ANXA8: variants seen among roughly 807,000 people sequenced by gnomAD.
ANXA8 encodes the protein annexin A8.
Under a neutral mutation model 26.8 loss-of-function variants are expected in ANXA8, and 9 were observed. The observed-to-expected ratio is 0.34, with a 90% CI of 0.20 to 0.59. ANXA8 has a LOEUF of 0.59. ANXA8 is among the 20% of genes least tolerant of loss of function. The pLI, the probability that ANXA8 is intolerant of heterozygous loss-of-function variation, is 0.84. For synonymous variants in ANXA8, 39 were observed against 94.8 expected, an observed-to-expected ratio of 0.41 and a Z score of 3.42; for missense variants, 83 against 238.5, an observed-to-expected ratio of 0.35 and a Z score of 4.29.
At chr10:47,682,692 G>A in the ANXA8 span, among the ~76,000 whole-genome samples, 1 of 151,768 alleles carries the variant, frequency 6.6e-6, no homozygotes, top group South Asian at 2.1e-4. Context: ...GGATGGTCTT[G>A]AACTCCTGAC....
chr10:47,610,700 TATAAATAA>T, the ANXA8 span, among the ~76,000 whole-genome samples: 1 of 150,304 alleles, frequency 6.7e-6, no homozygotes, highest in Non-Finnish European at 1.5e-5. Flanking sequence ...CTGCAACAGC[TATAAATAA>T]ATAAATAAAT....
chr10:47,988,906 T>C, the ANXA8 span, among the ~76,000 whole-genome samples: 1 of 151,958 alleles, frequency 6.6e-6, no homozygotes, highest in Non-Finnish European at 1.5e-5. Context: ...ACAAATAAAG[T>C]TGTGCTCATC....
At chr10:47,744,128 G>A in the ANXA8 span, among the ~76,000 whole-genome samples, 3 of 148,434 alleles carry the variant, frequency 2.0e-5, no homozygotes, top group Admixed American at 1.4e-4. Context: ...GGAAGGACTC[G>A]TTGAATGCAC....
chr10:47,501,188 C>T, the ANXA8 span, among the ~76,000 whole-genome samples: 1 of 140,200 alleles, frequency 7.1e-6, no homozygotes, highest in Admixed American at 7.3e-5. Flanking sequence ...AGGTGTGAGC[C>T]ACCACGCCTG....
the ANXA8 span, among the ~76,000 whole-genome samples, chr10:47,989,333 G>A: frequency 3.5e-5 from 4 of 114,674 alleles, no homozygotes; most frequent in Admixed American, 8.8e-5. Context: ...CCCAGCACTC[G>A]GGGGCTGTGG....
the ANXA8 span, among the ~76,000 whole-genome samples, chr10:47,776,339 G>A: frequency 1.3e-5 from 2 of 150,260 alleles, no homozygotes; most frequent in Admixed American, 6.6e-5. Context: ...GACACTTTTG[G>A]TAGCAAAGGA....
At chr10:47,522,398 G>T in the ANXA8 span, among the ~76,000 whole-genome samples, 10 of 149,842 alleles carry the variant, frequency 6.7e-5, no homozygotes, top group Admixed American at 6.6e-4. Flanking sequence ...AAACTCCTTT[G>T]AGAAACCCCA....
chr10:47,690,845 G>A, the ANXA8 span: 1 of 1,611,560 alleles, frequency 6.2e-7, no homozygotes, highest in Non-Finnish European at 8.5e-7. Flanking sequence ...AAAAGAAGCT[G>A]TACCTCTGAA....
the ANXA8 span, among the ~76,000 whole-genome samples, chr10:47,742,824 T>A: frequency 7.4e-6 from 1 of 134,316 alleles, no homozygotes; most frequent in African/African-American, 2.7e-5. Flanking sequence ...TGACCCAGTA[T>A]TTTAAAGATG....
chr10:47,975,882 T>C, the ANXA8 span, among the ~76,000 whole-genome samples: 16 of 137,698 alleles, frequency 1.2e-4, no homozygotes, highest in East Asian at 3.2e-3. Context: ...GAGGACATTC[T>C]GTCCCCTGGT....
the ANXA8 span, among the ~76,000 whole-genome samples, chr10:47,733,283 CTTTCTTTCTTTCT>C: frequency 2.5e-5 from 2 of 80,524 alleles, no homozygotes; most frequent in Admixed American, 1.3e-4. Flanking sequence ...TTCTTTCTTT[CTTTCTTTCTTTCT>C]TTTTTTTCTT....
chr10:47,949,653 G>C, the ANXA8 span, among the ~76,000 whole-genome samples: 4 of 150,610 alleles, frequency 2.7e-5, no homozygotes, highest in Admixed American at 2.6e-4. Flanking sequence ...GTATATGGTT[G>C]TAAGGTCTTA....
the ANXA8 span, among the ~76,000 whole-genome samples, chr10:47,702,477 A>G: frequency 6.6e-6 from 1 of 150,806 alleles, no homozygotes; most frequent in African/African-American, 2.4e-5. Context: ...AGTAGCTGGG[A>G]CTACAGGTAC....
chr10:47,777,373 G>A, the ANXA8 span, among the ~76,000 whole-genome samples: 1 of 151,958 alleles, frequency 6.6e-6, no homozygotes, highest in South Asian at 2.1e-4. Context: ...GGCTGGTCTC[G>A]AACTCCCGGG....
the ANXA8 span, among the ~76,000 whole-genome samples, chr10:47,633,746 G>A: frequency 6.8e-6 from 1 of 147,852 alleles, no homozygotes. Context: ...TTTTTTAAAG[G>A]CCCTAAACTT....
At chr10:47,739,957 A>T in the ANXA8 span, among the ~76,000 whole-genome samples, 1 of 76,874 alleles carries the variant, frequency 1.3e-5, no homozygotes, top group Non-Finnish European at 2.7e-5. Flanking sequence ...AAAAAAAAAA[A>T]TTAGCCAGGC....
chr10:47,944,705 C>T, the ANXA8 span, among the ~76,000 whole-genome samples: 1 of 150,600 alleles, frequency 6.6e-6, no homozygotes. Context: ...TAGGATGTGA[C>T]TTTGCTCCTC....
At chr10:47,547,262 A>C in the ANXA8 span, among the ~76,000 whole-genome samples, 4 of 136,806 alleles carry the variant, frequency 2.9e-5, 1 homozygote, top group African/African-American at 1.1e-4. Flanking sequence ...CATCCACAGA[A>C]TGGAATGTTA....
chr10:47,985,533 GT>G, the ANXA8 span: 1 of 101,588 alleles, frequency 9.8e-6, no homozygotes, highest in Non-Finnish European at 2.2e-5. Flanking sequence ...TATTCGTCAT[GT>G]TTTTATTGGC....
Sources: allele counts gnomAD v4.1 joint callset (sites outside exome capture counted in the v4.1 genomes callset), GRCh38; gene constraint gnomAD v4.1.1; transcripts MANE v1.5; gene names NCBI Gene and HGNC (gene_info 2026-07-23, HGNC 2026-07-21).